NUP210: variants seen among roughly 807,000 people sequenced by gnomAD.
NUP210 encodes the protein nuclear pore membrane glycoprotein 210.
Under a neutral mutation model 196.0 loss-of-function variants are expected in NUP210, and 151 were observed. The observed-to-expected ratio is 0.77, with a 90% CI of 0.67 to 0.88. The LOEUF (loss-of-function observed/expected upper bound fraction) is 0.88, where lower values mean the gene tolerates loss of function less well. Among genes scored for constraint, NUP210 ranks in the 40% least tolerant of loss-of-function variants. The pLI is 0.00. For missense variants in NUP210, 2,314 were observed against 2,493.7 expected (o/e 0.93, Z 1.53); for synonymous variants, 1,070 against 1,052.7 (o/e 1.02, Z -0.32).
rs979944658 is a variant in NUP210, at chr3:13,345,333, G to A, written c.2836-2030C>T. The stretch of plus-strand genomic sequence containing the variant: ...GAGTTAACTGAGGCCCAGATGATGG[G>A]ACAGGGATATGGCTTTGAAAAGGCA... On this transcript the variant is annotated intron_variant, in intron 20 of 39. Transcript: ENST00000254508. 9.2e-6 allele frequency: 6 copies of A among 651,372 alleles called. No individual in the cohort carries two copies. In the African/African-American group the frequency reaches 9.8e-5, roughly 11 times the overall value. 40.3% of individuals were successfully genotyped at this position (651,372 alleles called of 1,614,324 possible).
chr3:13,362,296 T>A (rs1462620161), intron 14 of NUP210, among the ~76,000 whole-genome samples: 1 of 152,210 alleles, frequency 6.6e-6, no homozygotes. Context: ...ATCCCAGCCG[T>A]GAAGCTTCTG....
chr3:13,371,956 A>C lies in NUP210; in HGVS notation c.1664T>G (p.Leu555Arg). The C allele has an allele frequency of 6.2e-7, 1 of 1,604,826 alleles. No homozygotes were observed. The highest frequency in any genetic ancestry group is 8.5e-7 in the Non-Finnish European group (1 of 1,175,968). The change falls in exon 13 of 40, where the codon CTG (leucine) becomes CGG (arginine). Residue 555 changes from leucine (L) to arginine (R), a missense_variant. Coordinates refer to ENST00000254508, the MANE Select transcript of NUP210 (RefSeq NM_024923.4). ...CATGAGGCCACTGATCCTCAGGGGC[A>C]GCTCCAGGGCCTGGCCCACACGTGC... ...VEARVGQALE[L>R]PLRISGLMPG...
chr3:13,373,729 C>T lies in NUP210; in HGVS notation c.1576G>A (p.Gly526Ser), dbSNP rs774820203. The T allele has an allele frequency of 8.7e-6, 14 of 1,614,126 alleles. No homozygotes were observed. Among genetic ancestry groups the T allele is most frequent in the East Asian group, 2.2e-5 (1 of 44,874 alleles). ...CCCTGAGATCTCACCTTCATCTCAC[C>T]GAAATGGAGTGGGTTCTGCACATCA... Reference protein sequence around the residue: ...AHDVQNPLHFGEMKVYVIEPH... With the variant: ...AHDVQNPLHFSEMKVYVIEPH... Residue 526 changes from glycine to serine, a missense_variant, in exon 12 of 40, where the codon GGT (glycine) becomes AGT (serine). Physicochemically the swap from Gly to Ser is moderately conservative, Grantham distance 56. Coordinates refer to ENST00000254508, the MANE Select transcript of NUP210 (RefSeq NM_024923.4).
At position 13,376,499 on chromosome 3, in the gene NUP210, C is replaced by G; in HGVS notation, c.1153-68G>C. ...ACTCCAGAAAGTCAGAATTTGGGCA[C>G]GAAGCTACAGGACTGAAACCAGCAG... On this transcript the variant is annotated intron_variant, in intron 9 of 39. Coordinates refer to ENST00000254508, the MANE Select transcript of NUP210 (RefSeq NM_024923.4). 9 of 1,587,150 alleles carry G rather than the reference C, an allele frequency of 5.7e-6. No individual in the cohort carries two copies. The South Asian group carries it at 9.1e-5, about 16-fold the overall frequency.
intron 31 of NUP210, among the ~76,000 whole-genome samples, chr3:13,328,268 C>T (rs1429859419): frequency 6.6e-6 from 1 of 152,242 alleles, no homozygotes; most frequent in Non-Finnish European, 1.5e-5. Context: ...AGCCCTGGAA[C>T]CTAGGCCATA....
chr3:13,417,497 G>C (rs761207661), intron 1 of NUP210, among the ~76,000 whole-genome samples: 1 of 152,180 alleles, frequency 6.6e-6, no homozygotes, highest in Non-Finnish European at 1.5e-5. Flanking sequence ...TGAACTTTCT[G>C]GATGAAGAGG....
chr3:13,359,225 G>C (rs1172577234), intron 15 of NUP210, among the ~76,000 whole-genome samples: 1 of 152,216 alleles, frequency 6.6e-6, no homozygotes, highest in East Asian at 1.9e-4. Flanking sequence ...GAGGGCCCTA[G>C]AGGTAACCCC....
In NUP210 at chr3:13,358,380, C is replaced by A; in HGVS notation, c.2170G>T (p.Val724Leu). 1 of 1,611,758 alleles carries A rather than the reference C, an allele frequency of 6.2e-7. No homozygotes were observed. The highest frequency in any genetic ancestry group is 8.5e-7 in the Non-Finnish European group (1 of 1,178,554). The change falls in exon 16 of 40, where the codon GTG becomes TTG. Residue 724 changes from valine to leucine, a missense_variant. Physicochemically the swap from Val to Leu is conservative, Grantham distance 32. Coordinates refer to ENST00000254508, the MANE Select transcript of NUP210 (RefSeq NM_024923.4). ...TTGGTGAGGCTGGGCTTGTTCCCCA[C>A]CGACAGGGCGATGACCTGGTAGGGC... ...ALGEQVIALS[V>L]GNKPSLTNPF... is the part of the protein sequence containing the mutation.
Position 13,323,432 on chromosome 3 carries a change from C to T in NUP210, c.4645G>A (p.Val1549Met), listed in dbSNP as rs1696619340. The T allele has an allele frequency of 1.2e-6, 2 of 1,613,926 alleles. No individual in the cohort carries two copies. Residue 1549 changes from valine (V) to methionine (M), a missense_variant and splice_region_variant, in exon 34 of 40, where the codon GTG becomes ATG. Transcript: ENST00000254508. This position sits in a 1 kb window ranked among gnomAD's most constrained non-coding sequence, Gnocchi z 4.3. ...VAGHLRTYKE[V>M]VVSVPQRIMA... Reference sequence around the variant, plus strand: ...ATCCTCTGAGGGACGCTGACCACCACCTAGAGAGGGAGCCAAGGAAGCTTC... The same window carrying T: ...ATCCTCTGAGGGACGCTGACCACCATCTAGAGAGGGAGCCAAGGAAGCTTC...
intron 1 of NUP210, among the ~76,000 whole-genome samples, chr3:13,417,704 A>G (rs1480403027): frequency 6.6e-6 from 1 of 152,242 alleles, no homozygotes; most frequent in Non-Finnish European, 1.5e-5. Flanking sequence ...CACAATTTCC[A>G]AACACCTCTG....
At chr3:13,357,527 C>T (rs1307108752) in intron 16 of NUP210, among the ~76,000 whole-genome samples, 3 of 152,190 alleles carry the variant, frequency 2.0e-5, no homozygotes, top group African/African-American at 7.2e-5. Context: ...AGTACATGCT[C>T]AAGGAGTGAG....
intron 21 of NUP210, among the ~76,000 whole-genome samples, chr3:13,342,708 A>G (rs1043886503): frequency 3.9e-5 from 6 of 152,226 alleles, no homozygotes; most frequent in Non-Finnish European, 7.3e-5. Flanking sequence ...AGTAATAAAA[A>G]TTCTGTATCA....
At chr3:13,375,424 A>G in intron 11 of NUP210, 80 bp downstream of exon 11, 1 of 1,377,468 alleles carries the variant, frequency 7.3e-7, no homozygotes, top group Non-Finnish European at 1.0e-6. Flanking sequence ...AGTAATACTA[A>G]AAGTAATAGA....
At chr3:13,331,421 TCC>T (rs1375724378) in intron 29 of NUP210, among the ~76,000 whole-genome samples, 2 of 152,198 alleles carry the variant, frequency 1.3e-5, no homozygotes, top group African/African-American at 2.4e-5. Context: ...TAAACATTCT[TCC>T]CCCACCAACC....
chr3:13,346,843 G>A (rs1193599810), intron 20 of NUP210, among the ~76,000 whole-genome samples: 1 of 152,164 alleles, frequency 6.6e-6, no homozygotes. Flanking sequence ...CTGATTACCC[G>A]CCCTCAAGGC....
Position 13,317,265 on chromosome 3 carries a change from G to C in NUP210, c.*416C>G, listed in dbSNP as rs1696307329. ...CACCAAAAACCCCCTAAAGTAACTG[G>C]ACAATCCTTTCCCTGAGACCACTAC... On this transcript the variant is annotated 3_prime_UTR_variant, in exon 40 of 40. Transcript: ENST00000254508. 5.0e-6 allele frequency: 1 copy of C among 201,950 alleles called. No homozygotes were observed. Among genetic ancestry groups the C allele is most frequent in the African/African-American group, 2.4e-5 (1 of 41,858 alleles). 12.5% of individuals were successfully genotyped at this position (201,950 alleles called of 1,614,324 possible).
At chr3:13,418,304 T>C (rs1309991112) in intron 1 of NUP210, among the ~76,000 whole-genome samples, 2 of 152,280 alleles carry the variant, frequency 1.3e-5, no homozygotes, top group Non-Finnish European at 1.5e-5. Context: ...AAAAAAGAAA[T>C]AGGGCAGGCC....
chr3:13,332,388 C>A lies in NUP210; in HGVS notation c.3844-4G>T, dbSNP rs1161236006. The A allele has an allele frequency of 6.2e-7, 1 of 1,610,068 alleles. No homozygotes were observed. Among genetic ancestry groups the A allele is most frequent in the African/African-American group, 1.3e-5 (1 of 74,972 alleles). On this transcript the variant is annotated splice_region_variant and splice_polypyrimidine_tract_variant and intron_variant, in intron 28 of 39. Transcript: ENST00000254508. ...GCAGCTGCAGCTTCTCAAACACCTG[C>A]AAGAGAGGGCAAGTTTCACTTCCGA...
At chr3:13,365,890 T>G (rs1187979577) in intron 14 of NUP210, 56 bp downstream of exon 14, 1 of 1,591,442 alleles carries the variant, frequency 6.3e-7, no homozygotes, top group South Asian at 1.1e-5. Flanking sequence ...AATGGGTAAT[T>G]TGCATCTGGG....
Sources: allele counts gnomAD v4.1 joint callset (sites outside exome capture counted in the v4.1 genomes callset), GRCh38; gene constraint gnomAD v4.1.1; non-coding constraint Gnocchi (gnomAD v3.1); transcripts MANE v1.5; gene names NCBI Gene and HGNC (gene_info 2026-07-23, HGNC 2026-07-21).